FAR1: variants seen among roughly 807,000 people sequenced by gnomAD.
The protein encoded by FAR1 is fatty acyl-CoA reductase 1, also known as male sterility domain-containing protein 2.
Under a neutral mutation model 61.1 loss-of-function variants are expected in FAR1, and 22 were observed. The observed-to-expected ratio is 0.36, with a 90% CI of 0.26 to 0.51. FAR1 has a LOEUF of 0.51. FAR1 is among the 20% of genes least tolerant of loss of function. FAR1 has a pLI of 0.95. For synonymous variants in FAR1, 206 were observed against 209.7 expected, an observed-to-expected ratio of 0.98 and a Z score of 0.15; for missense variants, 359 against 626.9, an observed-to-expected ratio of 0.57 and a Z score of 4.56.
intron 1 of FAR1, among the ~76,000 whole-genome samples, chr11:13,671,038 A>G (rs1452459750): frequency 6.6e-6 from 1 of 152,244 alleles, no homozygotes; most frequent in African/African-American, 2.4e-5. Context: ...ATGGACCATT[A>G]TTTATGATCT....
intron 10 of FAR1, among the ~76,000 whole-genome samples, chr11:13,726,674 T>C (rs1430531409): frequency 6.6e-6 from 1 of 151,774 alleles, no homozygotes; most frequent in Admixed American, 6.6e-5. Context: ...TGACTTGGTT[T>C]CTTATTTTTG....
Position 13,728,864 on chromosome 11 carries a change from A to G in FAR1, c.*90A>G. The G allele has an allele frequency of 7.9e-7, 1 of 1,257,996 alleles. No individual in the cohort carries two copies. The highest frequency in any genetic ancestry group is 1.1e-6 in the Non-Finnish European group (1 of 898,412). 77.9% of individuals were successfully genotyped at this position (1,257,996 alleles called of 1,614,324 possible). On this transcript the variant is annotated 3_prime_UTR_variant, in exon 12 of 12. Transcript: ENST00000354817. ...GTATAAGTCATCTCACTTTTTGTCAAGACATTAAACCATCTTAGATCGGAG... is the reference window on the plus strand; with the variant it reads ...GTATAAGTCATCTCACTTTTTGTCAGGACATTAAACCATCTTAGATCGGAG...
At chr11:13,690,191 A>G (rs1294652996) in intron 1 of FAR1, among the ~76,000 whole-genome samples, 1 of 151,642 alleles carries the variant, frequency 6.6e-6, no homozygotes, top group East Asian at 1.9e-4. Context: ...CCTTTTTTGT[A>G]ATGCCCATTT....
intron 1 of FAR1, among the ~76,000 whole-genome samples, chr11:13,688,490 T>C (rs916540064): frequency 1.3e-5 from 2 of 152,146 alleles, no homozygotes; most frequent in Non-Finnish European, 2.9e-5. Flanking sequence ...CATTCTGGGT[T>C]TTTTTTAGGG....
chr11:13,706,928 C>T (rs1848438787), intron 3 of FAR1, among the ~76,000 whole-genome samples: 1 of 152,092 alleles, frequency 6.6e-6, no homozygotes, highest in South Asian at 2.1e-4. Context: ...GGCCTGAGTG[C>T]TTCAGTTTAT....
intron 1 of FAR1, among the ~76,000 whole-genome samples, chr11:13,690,203 T>C (rs1848234198): frequency 6.6e-6 from 1 of 152,052 alleles, no homozygotes; most frequent in South Asian, 2.1e-4. Context: ...TGCCCATTTG[T>C]ATACTTTCTT....
intron 10 of FAR1, among the ~76,000 whole-genome samples, chr11:13,725,208 T>C (rs1044169580): frequency 6.6e-5 from 10 of 152,172 alleles, no homozygotes; most frequent in African/African-American, 2.4e-4. Flanking sequence ...AGAAATAGGA[T>C]AGCATAGGGC....
chr11:13,675,010 A>G (rs1274219310), intron 1 of FAR1, among the ~76,000 whole-genome samples: 2 of 149,742 alleles, frequency 1.3e-5, no homozygotes, highest in East Asian at 3.9e-4. Context: ...CTTCATCCAT[A>G]CCTCCATCCA....
At chr11:13,690,647 C>A (rs1384769237) in intron 1 of FAR1, among the ~76,000 whole-genome samples, 1 of 152,172 alleles carries the variant, frequency 6.6e-6, no homozygotes, top group Non-Finnish European at 1.5e-5. Context: ...CTTTATAATA[C>A]ATCTCAATAT....
chr11:13,706,435 A>G (rs1045297166), intron 3 of FAR1, among the ~76,000 whole-genome samples: 1 of 152,096 alleles, frequency 6.6e-6, no homozygotes, highest in Admixed American at 6.5e-5. Context: ...TATCAACAAC[A>G]GTGTATTACT....
Position 13,728,756 on chromosome 11 carries a change from C to T in FAR1, c.1530C>T (p.Ser510=). ...AGTTTTTGTCATACTTCCGAGCATC[C>T]AGCACTATGAGATACTGAAGACCAA... ...CYKFLSYFRA[S]STMRY The change falls in exon 12 of 12, where the codon TCC becomes TCT. Residue 510 remains serine, a synonymous_variant. Coordinates refer to ENST00000354817, the MANE Select transcript of FAR1 (RefSeq NM_032228.6). 2 of 1,611,616 alleles carry T rather than the reference C, an allele frequency of 1.2e-6. No individual in the cohort carries two copies. Among genetic ancestry groups the T allele is most frequent in the Non-Finnish European group, 1.7e-6 (2 of 1,178,346 alleles).
Position 13,694,742 on chromosome 11 carries a change from T to C in FAR1, c.-7-17T>C, listed in dbSNP as rs1463904358. The C allele has an allele frequency of 1.9e-6, 3 of 1,588,718 alleles. No individual in the cohort carries two copies. The highest frequency in any genetic ancestry group is 2.6e-6 in the Non-Finnish European group (3 of 1,165,450). On this transcript the variant is annotated splice_polypyrimidine_tract_variant and intron_variant, in intron 1 of 11. Transcript: ENST00000354817. ...GTGAATCCTTAAACTAATGCTTATT[T>C]GCCATGTTTTTCTTAGGATCAAAAT...
At chr11:13,670,953 A>G (rs1291102194) in intron 1 of FAR1, among the ~76,000 whole-genome samples, 1 of 152,226 alleles carries the variant, frequency 6.6e-6, no homozygotes, top group Non-Finnish European at 1.5e-5. Flanking sequence ...TATAGAGTCA[A>G]GGACAGAAGC....
chr11:13,707,822 C>A, intron 3 of FAR1, 78 bp from the exon 4 acceptor site: 1 of 1,091,926 alleles, frequency 9.2e-7, no homozygotes, highest in South Asian at 2.5e-5. Context: ...CTCTACTTCT[C>A]TAATGAAAAT....
intron 1 of FAR1, among the ~76,000 whole-genome samples, chr11:13,673,942 A>G (rs542572935): frequency 6.6e-6 from 1 of 152,188 alleles, no homozygotes; most frequent in Non-Finnish European, 1.5e-5. Context: ...TAATTGAAAT[A>G]TATACTACCA....
intron 8 of FAR1, 49 bp downstream of exon 8, chr11:13,713,082 C>A (rs199704260): frequency 2.2e-4 from 328 of 1,522,530 alleles, no homozygotes; most frequent in Admixed American, 5.0e-4. Flanking sequence ...CTTAAAGAAC[C>A]AAGTTCCCTG....
intron 3 of FAR1, among the ~76,000 whole-genome samples, chr11:13,701,472 G>C (rs1848373776): frequency 1.3e-5 from 2 of 152,084 alleles, no homozygotes; most frequent in African/African-American, 4.8e-5. Context: ...AGGCTGAGGT[G>C]GGAGGATCAC....
At chr11:13,686,062 A>G (rs965904372) in intron 1 of FAR1, among the ~76,000 whole-genome samples, 1 of 152,250 alleles carries the variant, frequency 6.6e-6, no homozygotes, top group Non-Finnish European at 1.5e-5. Context: ...AAGGACAAGT[A>G]GAAACTTTAT....
Position 13,694,930 on chromosome 11 carries a change from A to C in FAR1, c.165A>C (p.Arg55=), listed in dbSNP as rs1848291386. 3 of 1,612,378 alleles carry C rather than the reference A, an allele frequency of 1.9e-6. No individual in the cohort carries two copies. The highest frequency in any genetic ancestry group is 2.5e-6 in the Non-Finnish European group (3 of 1,179,230). ...AAGCTGGACAGACACCACAAGAGCG[A>C]GTGGAAGAAGTCCTTAGTGGCAAGG... ...RQKAGQTPQE[R]VEEVLSGKLF... is the part of the protein sequence containing the mutation. The change falls in exon 2 of 12, where the codon CGA becomes CGC. Residue 55 remains arginine (R), a synonymous_variant. Transcript: ENST00000354817.
Sources: allele counts gnomAD v4.1 joint callset (sites outside exome capture counted in the v4.1 genomes callset), GRCh38; gene constraint gnomAD v4.1.1; transcripts MANE v1.5; gene names NCBI Gene and HGNC (gene_info 2026-07-23, HGNC 2026-07-21).